Variants in LRRC4C observed in about 807,000 individuals in gnomAD.
The protein encoded by LRRC4C is leucine-rich repeat-containing protein 4C.
In LRRC4C, 5 loss-of-function variants were observed where a neutral mutation model predicts 33.6. That is an observed-to-expected ratio of 0.15 (90% CI 0.08 to 0.31). The LOEUF is 0.31. Among genes scored for constraint, LRRC4C ranks in the 10% least tolerant of loss-of-function variants. The pLI, the probability that LRRC4C is intolerant of heterozygous loss-of-function variation, is 1.00. For missense variants in LRRC4C, 560 were observed against 796.7 expected, an observed-to-expected ratio of 0.70 and a Z score of 3.58; for synonymous variants, 329 against 302.0, an observed-to-expected ratio of 1.09 and a Z score of -0.93.
chr11:41,289,486 A>G (rs980278876), intron 1 of LRRC4C, among the ~76,000 whole-genome samples: 6 of 152,182 alleles, frequency 3.9e-5, no homozygotes, highest in African/African-American at 1.4e-4. Flanking sequence ...ATGAAATCAT[A>G]GTGTTGGATT....
chr11:41,381,977 C>A (rs982876039), intron 1 of LRRC4C, among the ~76,000 whole-genome samples: 9 of 151,042 alleles, frequency 6.0e-5, no homozygotes, highest in African/African-American at 2.2e-4. Context: ...ATATTTATAT[C>A]TGCTTATTTG....
chr11:41,166,800 C>T (rs1274781422), intron 1 of LRRC4C, among the ~76,000 whole-genome samples: 1 of 152,242 alleles, frequency 6.6e-6, no homozygotes, highest in South Asian at 2.1e-4. Flanking sequence ...CCACTTCATG[C>T]CGGAGGAATG....
intron 2 of LRRC4C, among the ~76,000 whole-genome samples, chr11:40,843,615 A>T (rs950773554): frequency 6.6e-6 from 1 of 152,204 alleles, no homozygotes; most frequent in African/African-American, 2.4e-5. Context: ...AAAACTAAGG[A>T]ATCTGTTATC....
chr11:40,257,230 C>T (rs1044166414), intron 4 of LRRC4C, among the ~76,000 whole-genome samples: 2 of 151,648 alleles, frequency 1.3e-5, no homozygotes, highest in African/African-American at 2.4e-5. Context: ...GAAACAAATA[C>T]AAAGGATTCT....
intron 2 of LRRC4C, among the ~76,000 whole-genome samples, chr11:40,713,672 A>G (rs1011028912): frequency 2.0e-5 from 3 of 152,244 alleles, no homozygotes; most frequent in Admixed American, 6.5e-5. Flanking sequence ...TCTGAGTAAG[A>G]CATTTAGAAA....
intron 3 of LRRC4C, among the ~76,000 whole-genome samples, chr11:40,337,110 T>C (rs1384732547): frequency 1.3e-5 from 2 of 151,132 alleles, no homozygotes; most frequent in Non-Finnish European, 2.9e-5. Flanking sequence ...GAAACTCATG[T>C]ACAGCTACTG....
Position 40,913,977 on chromosome 11 carries a change from A to C in LRRC4C, c.-407+19658T>G, listed in dbSNP as rs553947088. Among the ~76,000 whole-genome samples the C allele has an allele frequency of 9.9e-5, 15 of 152,246 alleles. No homozygotes were observed. The South Asian group carries it at 3.1e-3, about 32-fold the overall frequency. On this transcript the variant is annotated intron_variant, in intron 2 of 6. Transcript: ENST00000528697. ...AATGGATAAATTCCTCGACATATAC[A>C]CCCTCCCAAGACTAAAACAGGAAGA...
intron 3 of LRRC4C, among the ~76,000 whole-genome samples, chr11:40,503,373 T>A (rs1954872477): frequency 6.6e-6 from 1 of 152,218 alleles, no homozygotes. Context: ...TAAATATTGG[T>A]TGAATAAATG....
chr11:40,967,936 GA>G (rs369111140), intron 1 of LRRC4C, among the ~76,000 whole-genome samples: 6 of 151,700 alleles, frequency 4.0e-5, no homozygotes, highest in African/African-American at 1.5e-4. Context: ...TCCAGTGTAA[GA>G]AAAAAACACA....
At chr11:40,697,871 C>T (rs111790757) in intron 2 of LRRC4C, among the ~76,000 whole-genome samples, 14,360 of 151,916 alleles carry the variant, frequency 0.095, 911 homozygotes, top group Non-Finnish European at 0.13. Flanking sequence ...AGATAGAGAC[C>T]ATCCTGGCTA....
intron 5 of LRRC4C, among the ~76,000 whole-genome samples, chr11:40,158,999 A>G (rs973353677): frequency 6.6e-6 from 1 of 152,176 alleles, no homozygotes; most frequent in Non-Finnish European, 1.5e-5. Flanking sequence ...ATTGAGCATG[A>G]TAGGATTAAG....
chr11:40,695,441 A>G (rs1945450368), intron 2 of LRRC4C, among the ~76,000 whole-genome samples: 1 of 152,148 alleles, frequency 6.6e-6, no homozygotes, highest in Admixed American at 6.6e-5. Flanking sequence ...ATTCTGGGGT[A>G]GGGGAAAGAA....
Position 41,249,486 on chromosome 11 carries a change from C to G in LRRC4C, c.-496+209945G>C, listed in dbSNP as rs553243356. Among the ~76,000 whole-genome samples the G allele has an allele frequency of 2.6e-5, 4 of 152,200 alleles. No homozygotes were observed. The South Asian group carries it at 8.3e-4, about 32-fold the overall frequency. Reference sequence around the variant, plus strand: ...TTCTCTATTCGAAACTCACCTGTGCCCTCCTAAGGTATTCAGAGTGAAATA... The same window carrying G: ...TTCTCTATTCGAAACTCACCTGTGCGCTCCTAAGGTATTCAGAGTGAAATA... On this transcript the variant is annotated intron_variant, in intron 1 of 6. Transcript: ENST00000528697.
intron 3 of LRRC4C, among the ~76,000 whole-genome samples, chr11:40,640,867 TC>T (rs1320772893): frequency 7.2e-5 from 11 of 151,874 alleles, no homozygotes; most frequent in African/African-American, 2.7e-4. Context: ...ATACAAAAAA[TC>T]AGCCGGGCGT....
intron 3 of LRRC4C, among the ~76,000 whole-genome samples, chr11:40,427,961 T>A (rs1448763154): frequency 6.6e-6 from 1 of 152,190 alleles, no homozygotes; most frequent in Non-Finnish European, 1.5e-5. Context: ...AATTATTAGA[T>A]TAAAAGAAAA....
At chr11:40,911,801 C>T (rs1453124123) in intron 2 of LRRC4C, among the ~76,000 whole-genome samples, 1 of 152,100 alleles carries the variant, frequency 6.6e-6, no homozygotes, top group African/African-American at 2.4e-5. Flanking sequence ...ACCTTGAAAA[C>T]AGATTACACA....
intron 1 of LRRC4C, among the ~76,000 whole-genome samples, chr11:41,407,443 A>T (rs1239415075): frequency 6.6e-6 from 1 of 151,852 alleles, no homozygotes; most frequent in Non-Finnish European, 1.5e-5. Context: ...CTGGGACTAC[A>T]GGCATGTGCC....
At chr11:40,856,259 T>C (rs1370607640) in intron 2 of LRRC4C, among the ~76,000 whole-genome samples, 1 of 152,214 alleles carries the variant, frequency 6.6e-6, no homozygotes, top group Non-Finnish European at 1.5e-5. Flanking sequence ...CTGAAACAGT[T>C]TGGATACATA....
chr11:40,624,441 T>G (rs2135971403), intron 3 of LRRC4C, among the ~76,000 whole-genome samples: 2 of 152,274 alleles, frequency 1.3e-5, no homozygotes, highest in Admixed American at 1.3e-4. Context: ...TGACCACTAT[T>G]CTCAGAATCC....
Sources: allele counts gnomAD v4.1 joint callset (sites outside exome capture counted in the v4.1 genomes callset), GRCh38; gene constraint gnomAD v4.1.1; transcripts MANE v1.5; gene names NCBI Gene and HGNC (gene_info 2026-07-23, HGNC 2026-07-21).